The following ADH6 variants were observed in gnomAD, a reference collection of about 807,000 sequenced individuals.
The protein encoded by ADH6 is alcohol dehydrogenase 6.
Under a neutral mutation model 36.5 loss-of-function variants are expected in ADH6, and 34 were observed. That is an observed-to-expected ratio of 0.93 (90% CI 0.71 to 1.24). ADH6 has a LOEUF of 1.24. Ranked by LOEUF, ADH6 falls within the 50% of genes most tolerant of loss-of-function variation. ADH6 has a pLI of 0.00. For missense variants in ADH6, 440 were observed against 447.0 expected (o/e 0.98, Z 0.14); for synonymous variants, 161 against 155.5 (o/e 1.04, Z -0.26).
In ADH6 at chr4:99,208,902, C is replaced by T. The variant is rs61747740; in HGVS notation, c.594G>A (p.Val198=). 2.3e-3 allele frequency: 3,739 copies of T among 1,613,612 alleles called. 55 individuals carry two copies. In the African/African-American group the frequency reaches 0.04, roughly 17 times the overall value. The change falls in exon 6 of 9, where the codon GTG becomes GTA. Residue 198 remains valine, a synonymous_variant. Coordinates refer to ENST00000394899, the MANE Select transcript of ADH6 (RefSeq NM_001102470.2). ...AKVTPGSTCA[V]FGLGGVGLSV... ...ACAAGCCGACTCCTCCCAGGCCAAACACAGCACAGGTAGAACCTGGAGTCA... is the reference window on the plus strand; with the variant it reads ...ACAAGCCGACTCCTCCCAGGCCAAATACAGCACAGGTAGAACCTGGAGTCA...
chr4:99,205,198 C>T, intron 7 of ADH6, 135 bp from the exon 8 acceptor site: 1 of 887,166 alleles, frequency 1.1e-6, no homozygotes, highest in South Asian at 2.1e-5. Flanking sequence ...CCTCAATCAT[C>T]AGGAGAATGC....
At position 99,205,017 on chromosome 4, in the gene ADH6, C is replaced by T. The variant is rs750426816; in HGVS notation, c.1011G>A (p.Met337Ile). ...QHIPKLVADYMAEKLNLDPLI... is the reference protein window; with the variant it reads ...QHIPKLVADYIAEKLNLDPLI... The stretch of plus-strand genomic sequence containing the variant: ...GTGGATCTAGATTCAACTTCTCTGC[C>T]ATATAATCAGCAACCAGTTTAGGGA... Residue 337 changes from methionine (M) to isoleucine (I), a missense_variant, in exon 8 of 9, where the codon ATG (methionine) becomes ATA (isoleucine). Coordinates refer to ENST00000394899, the MANE Select transcript of ADH6 (RefSeq NM_001102470.2). 6 of 1,606,766 alleles carry T rather than the reference C, an allele frequency of 3.7e-6. No individual in the cohort carries two copies. Among genetic ancestry groups the T allele is most frequent in the African/African-American group, 1.3e-5 (1 of 74,338 alleles).
chr4:99,216,171 A>G lies in ADH6; in HGVS notation c.110T>C (p.Val37Ala). The G allele has an allele frequency of 7.0e-7, 1 of 1,436,608 alleles. No homozygotes were observed. Among genetic ancestry groups the G allele is most frequent in the South Asian group, 1.6e-5 (1 of 64,278 alleles). The allele number at this position is 1,436,608 out of a possible 1,614,324, so 89.0% of individuals were successfully genotyped here. ...TTTTTTTTTTTTTACCTTTATGCGAACTTCCTTTGCCTTTGGTGGGGCCAC... is the reference window on the plus strand; with the variant it reads ...TTTTTTTTTTTTTACCTTTATGCGAGCTTCCTTTGCCTTTGGTGGGGCCAC... Reference protein sequence around the residue: ...VEVAPPKAKEVRIKVVATGLC... With the variant: ...VEVAPPKAKEARIKVVATGLC... The change falls in exon 2 of 9, where the codon GTT (valine) becomes GCT (alanine). Residue 37 changes from valine (V) to alanine (A), a missense_variant. Coordinates refer to ENST00000394899, the MANE Select transcript of ADH6 (RefSeq NM_001102470.2).
Position 99,207,474 on chromosome 4 carries a change from T to C in ADH6, c.936A>G (p.Gly312=). 3 of 1,613,542 alleles carry C rather than the reference T, an allele frequency of 1.9e-6. No individual in the cohort carries two copies. The highest frequency in any genetic ancestry group is 2.5e-6 in the Non-Finnish European group (3 of 1,179,652). ...LKISGQLFFS[G]RSLKGSVFGG... ...CAAAAACAGAACCCTTCAAAGAACG[T>C]CCTGAGAAGAACAACTGGCCACTGA... The change falls in exon 7 of 9, where the codon GGA becomes GGG. Residue 312 remains glycine (G), a synonymous_variant. Coordinates refer to ENST00000394899, the MANE Select transcript of ADH6 (RefSeq NM_001102470.2).
intron 1 of ADH6, among the ~76,000 whole-genome samples, chr4:99,217,661 A>C (rs1731497665): frequency 6.6e-6 from 1 of 152,116 alleles, no homozygotes; most frequent in South Asian, 2.1e-4. Context: ...TGCTATTGTT[A>C]ATAGTGCTGC....
rs186046546 is a variant in ADH6, at chr4:99,205,073, C to T, written c.965-10G>A. On this transcript the variant is annotated splice_polypyrimidine_tract_variant and intron_variant, in intron 7 of 8. Transcript: ENST00000394899. ...TGTCTGCTCTTCCAGCCTGGAAATA[C>T]AGATTAATGATGAATTTTACACATG... 53 of 1,556,490 alleles carry T rather than the reference C, an allele frequency of 3.4e-5. No homozygotes were observed. The African/African-American group carries it at 7.1e-4, about 21-fold the overall frequency.
chr4:99,207,290 A>C (rs886395952), intron 7 of ADH6, among the ~76,000 whole-genome samples, 156 bp downstream of exon 7: 2 of 151,976 alleles, frequency 1.3e-5, no homozygotes, highest in African/African-American at 4.8e-5. Context: ...TACACCCACT[A>C]TCCATCCCTT....
chr4:99,217,916 C>T (rs1335286603), intron 1 of ADH6, among the ~76,000 whole-genome samples: 1 of 152,056 alleles, frequency 6.6e-6, no homozygotes, highest in Non-Finnish European at 1.5e-5. Context: ...CAAATGGTGT[C>T]TCTTGGCAGA....
chr4:99,204,085 C>A lies in ADH6; in HGVS notation c.*134G>T. On this transcript the variant is annotated 3_prime_UTR_variant, in exon 9 of 9. Coordinates refer to ENST00000394899, the MANE Select transcript of ADH6 (RefSeq NM_001102470.2). ...GTTAGGTCAGAAGCCAGATATAGGT[C>A]CACTGCGGAGTGAATCAGAAGTCAG... 9.4e-7 allele frequency: 1 copy of A among 1,067,694 alleles called. No individual in the cohort carries two copies. The highest frequency in any genetic ancestry group is 1.3e-6 in the Non-Finnish European group (1 of 754,606). The allele number at this position is 1,067,694 out of a possible 1,614,324, so 66.1% of individuals were successfully genotyped here. A position where few individuals can be genotyped will look rare whatever the true frequency, so the allele number is the denominator to read the frequency against.
At chr4:99,206,947 T>A (rs1164421650) in intron 7 of ADH6, among the ~76,000 whole-genome samples, 1 of 152,104 alleles carries the variant, frequency 6.6e-6, no homozygotes, top group African/African-American at 2.4e-5. Flanking sequence ...TTCCTCTGGG[T>A]AAAATAATTC....
chr4:99,209,945 T>G (rs1731164255), intron 5 of ADH6, 137 bp downstream of exon 5: 1 of 797,170 alleles, frequency 1.3e-6, no homozygotes, highest in African/African-American at 1.7e-5. Context: ...ACTAGGTAGA[T>G]AGCAGAGAAC....
Position 99,207,707 on chromosome 4 carries a change from A to C in ADH6, c.829-126T>G, listed in dbSNP as rs1312667598. The C allele has an allele frequency of 2.6e-5, 26 of 999,712 alleles. 2 individuals are homozygous for C. Among genetic ancestry groups the C allele is most frequent in the Non-Finnish European group, 2.7e-5 (19 of 695,632 alleles). 61.9% of individuals were successfully genotyped at this position (999,712 alleles called of 1,614,324 possible). A position where few individuals can be genotyped will look rare whatever the true frequency, so the allele number is the denominator to read the frequency against. On this transcript the variant is annotated intron_variant, in intron 6 of 8. Transcript: ENST00000394899. ...TTCTTTTCTGATTCTCCCTATTCTCATTTGAAGTAACATTTATCTTGTAAG... is the reference window on the plus strand; with the variant it reads ...TTCTTTTCTGATTCTCCCTATTCTCCTTTGAAGTAACATTTATCTTGTAAG...
chr4:99,206,505 T>C (rs1332020962), intron 7 of ADH6, among the ~76,000 whole-genome samples: 2 of 152,042 alleles, frequency 1.3e-5, no homozygotes, highest in Non-Finnish European at 2.9e-5. Flanking sequence ...TCAATGATCT[T>C]AAATAGAAGA....
intron 3 of ADH6, among the ~76,000 whole-genome samples, chr4:99,211,178 A>C (rs954128736): frequency 1.3e-5 from 2 of 152,180 alleles, no homozygotes; most frequent in Non-Finnish European, 2.9e-5. Flanking sequence ...AAAGTAACAC[A>C]TACATATGGT....
At chr4:99,209,030 G>T in intron 5 of ADH6, 102 bp from the exon 6 acceptor site, 1 of 1,252,612 alleles carries the variant, frequency 8.0e-7, no homozygotes, top group Non-Finnish European at 1.1e-6. Context: ...ATTTTTTAAC[G>T]AGTCATAAGC....
rs1326539653 is a variant in ADH6, at chr4:99,204,843, G to A, written c.1103+82C>T. ...AGTATACAGCTTCTGCAGCAGGGAC[G>A]ACCCTTCTTCTACTCCCAAGCCAAT... On this transcript the variant is annotated intron_variant, in intron 8 of 8. Transcript: ENST00000394899. The A allele has an allele frequency of 1.2e-5, 18 of 1,489,804 alleles. 1 individual carries two copies. Among genetic ancestry groups the A allele is most frequent in the South Asian group, 5.8e-5 (4 of 68,870 alleles). 92.3% of individuals were successfully genotyped at this position (1,489,804 alleles called of 1,614,324 possible).
intron 1 of ADH6, among the ~76,000 whole-genome samples, chr4:99,217,679 A>G (rs1281193072): frequency 2.6e-5 from 4 of 152,216 alleles, no homozygotes; most frequent in Non-Finnish European, 2.9e-5. Context: ...TGCAATAAAC[A>G]GGCAAGTTCA....
intron 5 of ADH6, among the ~76,000 whole-genome samples, chr4:99,209,369 T>C (rs1731145694): frequency 6.6e-6 from 1 of 150,730 alleles, no homozygotes; most frequent in African/African-American, 2.4e-5. Context: ...AGGCAAAGGC[T>C]TTTTTTTTAT....
intron 2 of ADH6, 43 bp downstream of exon 2, chr4:99,216,117 CT>C: frequency 8.3e-7 from 1 of 1,200,116 alleles, no homozygotes; most frequent in Non-Finnish European, 1.1e-6. Context: ...GAAGCTCTGG[CT>C]TTTGGCTTTT....
Sources: allele counts gnomAD v4.1 joint callset (sites outside exome capture counted in the v4.1 genomes callset), GRCh38; gene constraint gnomAD v4.1.1; transcripts MANE v1.5; gene names NCBI Gene and HGNC (gene_info 2026-07-23, HGNC 2026-07-21).